The following BCKDHB variants were observed in gnomAD, a reference collection of about 807,000 sequenced individuals.
BCKDHB encodes branched chain keto acid dehydrogenase E1 subunit beta, also known as 2-oxoisovalerate dehydrogenase subunit beta, mitochondrial.
Under a neutral mutation model 48.5 loss-of-function variants are expected in BCKDHB, and 41 were observed. The observed-to-expected ratio is 0.85, with a 90% CI of 0.66 to 1.10. The LOEUF is 1.10. Among genes scored for constraint, BCKDHB ranks in the 50% least tolerant of loss-of-function variants. The pLI is 0.00. For synonymous variants in BCKDHB, 201 were observed against 174.8 expected, an observed-to-expected ratio of 1.15 and a Z score of -1.18; for missense variants, 496 against 494.2, an observed-to-expected ratio of 1.00 and a Z score of -0.03.
chr6:80,435,502 C>T, the BCKDHB span, among the ~76,000 whole-genome samples: 1 of 152,094 alleles, frequency 6.6e-6, no homozygotes, highest in Non-Finnish European at 1.5e-5. Flanking sequence ...ACATTCTAGT[C>T]TTAGTTTGTC....
intron 8 of BCKDHB, among the ~76,000 whole-genome samples, chr6:80,243,054 A>G (rs1034470328): frequency 6.6e-6 from 1 of 152,210 alleles, no homozygotes; most frequent in African/African-American, 2.4e-5. Context: ...TCAGGACTCT[A>G]TAGTCATATC....
intron 8 of BCKDHB, among the ~76,000 whole-genome samples, chr6:80,272,414 C>A (rs1320132487): frequency 6.6e-6 from 1 of 152,132 alleles, no homozygotes; most frequent in Non-Finnish European, 1.5e-5. Flanking sequence ...CAATAACCTG[C>A]TGTTGATTTT....
At chr6:80,227,574 A>G (rs1390021712) in intron 8 of BCKDHB, among the ~76,000 whole-genome samples, 4 of 152,218 alleles carry the variant, frequency 2.6e-5, no homozygotes, top group Admixed American at 6.5e-5. Context: ...CTATGTCTTT[A>G]AAATTCAGTT....
downstream of BCKDHB, among the ~76,000 whole-genome samples, chr6:80,348,432 T>A (rs1770301688): frequency 6.6e-6 from 1 of 152,200 alleles, no homozygotes; most frequent in Non-Finnish European, 1.5e-5. Flanking sequence ...ACAGCACTGC[T>A]GTTTGTTTAG....
the BCKDHB span, among the ~76,000 whole-genome samples, chr6:80,406,294 ATG>A: frequency 2.6e-5 from 4 of 152,214 alleles, no homozygotes; most frequent in Admixed American, 1.3e-4. Flanking sequence ...ATATGTGTGC[ATG>A]TGTCTTTATA....
intron 3 of BCKDHB, among the ~76,000 whole-genome samples, chr6:80,164,321 T>A (rs1422799107): frequency 6.6e-6 from 1 of 152,154 alleles, no homozygotes; most frequent in Non-Finnish European, 1.5e-5. Context: ...TACCCCATGG[T>A]TTTTGTACTT....
At chr6:80,330,453 A>G (rs1226368968) in intron 9 of BCKDHB, among the ~76,000 whole-genome samples, 2 of 152,214 alleles carry the variant, frequency 1.3e-5, no homozygotes, top group Non-Finnish European at 2.9e-5. Context: ...ACAAATATTT[A>G]CTGATCCCTG....
chr6:80,393,281 C>A, the BCKDHB span, among the ~76,000 whole-genome samples: 1 of 152,108 alleles, frequency 6.6e-6, no homozygotes. Context: ...TCTTTGGTGA[C>A]CTCTACTATG....
chr6:80,110,927 AC>A lies in BCKDHB; in HGVS notation c.196+4040del, dbSNP rs548077137. ...TCCAGTATACCATGCCAGTGTGTTA[AC>A]CTGTTTATTAATGTGGTCTGGGACA... On this transcript the variant is annotated intron_variant, in intron 1 of 9. Transcript: ENST00000320393. Among the ~76,000 whole-genome samples the A allele has an allele frequency of 5.2e-3, 797 of 152,218 alleles. 2 individuals are homozygous for A. The highest frequency in any genetic ancestry group is 0.018 in the African/African-American group (749 of 41,524).
Position 80,234,266 on chromosome 6 carries a change from C to A in BCKDHB, c.951+31054C>A, listed in dbSNP as rs555693046. Among the ~76,000 whole-genome samples the A allele has an allele frequency of 1.5e-3, 222 of 152,274 alleles. 2 individuals carry two copies. Among genetic ancestry groups the A allele is most frequent in the African/African-American group, 4.9e-3 (203 of 41,546 alleles). ...TAGTATCAGTCACCACAGTCTCCTG[C>A]CTTATTATTCCATGAAGAAACCAAG... On this transcript the variant is annotated intron_variant, in intron 8 of 9. Coordinates refer to ENST00000320393, the MANE Select transcript of BCKDHB (RefSeq NM_183050.4).
At chr6:80,193,585 T>A (rs1238269396) in intron 6 of BCKDHB, among the ~76,000 whole-genome samples, 2 of 152,042 alleles carry the variant, frequency 1.3e-5, no homozygotes, top group Non-Finnish European at 1.5e-5. Flanking sequence ...CTGGGTGTGG[T>A]GGCGGGCACC....
At chr6:80,249,856 A>G (rs1329556868) in intron 8 of BCKDHB, among the ~76,000 whole-genome samples, 1 of 152,202 alleles carries the variant, frequency 6.6e-6, no homozygotes, top group Non-Finnish European at 1.5e-5. Context: ...ACCTCCTCTT[A>G]AAATAACTCA....
chr6:80,122,956 G>A (rs978231023), intron 1 of BCKDHB, among the ~76,000 whole-genome samples: 26 of 151,698 alleles, frequency 1.7e-4, no homozygotes, highest in Admixed American at 5.9e-4. Context: ...GATGTTTATA[G>A]GCCTTCCCCC....
chr6:80,389,467 C>A, the BCKDHB span, among the ~76,000 whole-genome samples: 1 of 152,178 alleles, frequency 6.6e-6, no homozygotes, highest in African/African-American at 2.4e-5. Flanking sequence ...AGAGGTTTGT[C>A]CTCCCTGGAA....
At position 80,343,830 on chromosome 6, in the gene BCKDHB, G is replaced by A. The variant is rs566410337; in HGVS notation, c.*26G>A. 4 of 1,612,934 alleles carry A rather than the reference G, an allele frequency of 2.5e-6. No homozygotes were observed. In the South Asian group the frequency reaches 3.3e-5, roughly 13 times the overall value. On this transcript the variant is annotated 3_prime_UTR_variant, in exon 10 of 10. Transcript: ENST00000320393. ...CCATATAGGTAGGTATGCATCTTGA[G>A]AAAGCTACTATGTGCCCCTGACATT...
chr6:80,375,939 C>A, the BCKDHB span, among the ~76,000 whole-genome samples: 1 of 152,078 alleles, frequency 6.6e-6, no homozygotes, highest in Non-Finnish European at 1.5e-5. Context: ...TGTTGGTTGG[C>A]CTCTAGCCAA....
the BCKDHB span, among the ~76,000 whole-genome samples, chr6:80,354,125 C>CG: frequency 6.6e-6 from 1 of 152,146 alleles, no homozygotes; most frequent in East Asian, 1.9e-4. Context: ...TGTTCTCTCA[C>CG]TATGCAGGTT....
chr6:80,407,955 A>G, the BCKDHB span, among the ~76,000 whole-genome samples: 1 of 152,164 alleles, frequency 6.6e-6, no homozygotes, highest in African/African-American at 2.4e-5. Context: ...TAATGCTTCC[A>G]GTTTTTCCCA....
intron 1 of BCKDHB, among the ~76,000 whole-genome samples, chr6:80,123,385 T>G (rs923937051): frequency 1.3e-5 from 2 of 152,180 alleles, no homozygotes; most frequent in Non-Finnish European, 2.9e-5. Flanking sequence ...TCCATGAAAT[T>G]TTCACGATTT....
Sources: allele counts gnomAD v4.1 joint callset (sites outside exome capture counted in the v4.1 genomes callset), GRCh38; gene constraint gnomAD v4.1.1; transcripts MANE v1.5; gene names NCBI Gene and HGNC (gene_info 2026-07-23, HGNC 2026-07-21).